Variants in WHRN observed in about 807,000 individuals in gnomAD.
WHRN encodes the protein whirlin, also known as CASK-interacting protein CIP98.
In WHRN, 41 loss-of-function variants were observed where a neutral mutation model predicts 68.3. The ratio of observed to expected loss-of-function variants is 0.60; its 90% CI spans 0.47 to 0.78. The LOEUF (loss-of-function observed/expected upper bound fraction) is 0.78, where lower values mean the gene tolerates loss of function less well. Among genes scored for constraint, WHRN ranks in the 30% least tolerant of loss-of-function variants. The probability of loss-of-function intolerance (pLI) is 0.00; values close to 1 mark genes in which losing one functional copy is unlikely to be tolerated. For synonymous variants in WHRN, 560 were observed against 561.3 expected (o/e 1.00, Z 0.03); for missense variants, 1,243 against 1,244.7 (o/e 1.00, Z 0.02).
intron 3 of WHRN, among the ~76,000 whole-genome samples, chr9:114,462,969 T>C (rs188311072): frequency 2.8e-4 from 43 of 152,318 alleles, no homozygotes; most frequent in Non-Finnish European, 5.1e-4. Context: ...AGACCTAATG[T>C]GTTGTCTCTC....
chr9:114,418,513 G>A (rs977600545), intron 7 of WHRN, among the ~76,000 whole-genome samples: 1 of 152,206 alleles, frequency 6.6e-6, no homozygotes, highest in Non-Finnish European at 1.5e-5. Context: ...CAATAATCAG[G>A]GGGACCCTGT....
rs1844265121 is a variant in WHRN at position 114,504,775 on chromosome 9, C to CGACA, written c.23_26dup (p.Ser11GlyfsTer169). The CGACA allele has an allele frequency of 6.8e-7, 1 of 1,480,542 alleles. No individual in the cohort carries two copies. Among genetic ancestry groups the CGACA allele is most frequent in the Admixed American group, 2.5e-5 (1 of 40,234 alleles). 91.7% of individuals were successfully genotyped at this position (1,480,542 alleles called of 1,614,324 possible). On this transcript the variant is annotated frameshift_variant, in exon 1 of 12. Coordinates refer to ENST00000362057, the MANE Select transcript of WHRN (RefSeq NM_015404.4). LOFTEE classifies it high-confidence loss of function. ...GCGAGCCGGTGGAGGACGAGCTCAC[C>CGACA]GACAGGCCGTCCAGCGGCGCGTTCA...
rs751830101 is a variant in WHRN at position 114,406,748 on chromosome 9, A to C, written c.1843T>G (p.Ser615Ala). 6.2e-7 allele frequency: 1 copy of C among 1,614,100 alleles called. No homozygotes were observed. Among genetic ancestry groups the C allele is most frequent in the Non-Finnish European group, 8.5e-7 (1 of 1,180,014 alleles). The change falls in exon 9 of 12, where the codon TCC (serine) becomes GCC (alanine). Residue 615 changes from serine (S) to alanine (A), a missense_variant. Coordinates refer to ENST00000362057, the MANE Select transcript of WHRN (RefSeq NM_015404.4). Reference protein sequence around the residue: ...EDLQPPSSMPSCSGTVFSAPQ... With the variant: ...EDLQPPSSMPACSGTVFSAPQ... ...GCCGAGAAGACAGTGCCCGAGCAGG[A>C]AGGCATGGAGGAAGGTGGCTGGAGG...
chr9:114,421,035 G>A (rs1045203774), intron 7 of WHRN, among the ~76,000 whole-genome samples: 5 of 151,982 alleles, frequency 3.3e-5, no homozygotes, highest in Admixed American at 1.3e-4. Context: ...TGTGCCACCT[G>A]GTGGGCCATG....
chr9:114,459,331 G>A (rs889997327), intron 3 of WHRN, among the ~76,000 whole-genome samples: 1 of 151,978 alleles, frequency 6.6e-6, no homozygotes, highest in Non-Finnish European at 1.5e-5. Context: ...AGGTGTGGTA[G>A]CAGGCACCTG....
intron 7 of WHRN, among the ~76,000 whole-genome samples, chr9:114,408,806 G>A (rs1024731670): frequency 1.3e-5 from 2 of 152,228 alleles, no homozygotes; most frequent in Non-Finnish European, 2.9e-5. Flanking sequence ...GGTGTTTCCA[G>A]GAGAGATCAG....
Position 114,505,143 on chromosome 9 carries a change from G to T in WHRN, c.-342C>A. The T allele has an allele frequency of 3.9e-6, 1 of 258,778 alleles. No homozygotes were observed. The highest frequency in any genetic ancestry group is 7.2e-6 in the Non-Finnish European group (1 of 138,598). 16.0% of individuals were successfully genotyped at this position (258,778 alleles called of 1,614,324 possible). On this transcript the variant is annotated 5_prime_UTR_variant, in exon 1 of 12. Coordinates refer to ENST00000362057, the MANE Select transcript of WHRN (RefSeq NM_015404.4). ...GCGCGGGGTCAGCAGCTACATTCTG[G>T]AGGGCACGGAGACGACGGGTGGCTG... is the stretch of plus-strand genomic sequence containing the variant.
At chr9:114,457,127 T>C (rs1839877558) in intron 3 of WHRN, among the ~76,000 whole-genome samples, 1 of 152,134 alleles carries the variant, frequency 6.6e-6, no homozygotes, top group African/African-American at 2.4e-5. Flanking sequence ...CCTCTATCCA[T>C]TGAGAAGGAA....
intron 2 of WHRN, among the ~76,000 whole-genome samples, chr9:114,470,625 A>G (rs540523128): frequency 2.6e-5 from 4 of 152,264 alleles, no homozygotes; most frequent in African/African-American, 9.6e-5. Flanking sequence ...TGGGGTTCAG[A>G]TCAGGGACAG....
At chr9:114,450,142 G>A (rs1380073177) in intron 3 of WHRN, among the ~76,000 whole-genome samples, 2 of 152,138 alleles carry the variant, frequency 1.3e-5, no homozygotes, top group African/African-American at 4.8e-5. Flanking sequence ...AGCAAAAGGG[G>A]CTGGTGGGGA....
intron 10 of WHRN, 60 bp from the exon 11 acceptor site, chr9:114,403,399 G>C (rs1164536350): frequency 1.9e-6 from 3 of 1,610,630 alleles, no homozygotes; most frequent in Non-Finnish European, 2.5e-6. Context: ...TGGCCAGGGG[G>C]CTGGGCCGGG....
At position 114,402,602 on chromosome 9, in the gene WHRN, T is replaced by C; in HGVS notation, c.*152A>G. On this transcript the variant is annotated 3_prime_UTR_variant, in exon 12 of 12. Transcript: ENST00000362057. ...TTGTCCTGCTCTCTTCCTCTCCCAG[T>C]TCTGGTCCAGTGGGCTGGGATGGAG... 1 of 960,456 alleles carries C rather than the reference T, an allele frequency of 1.0e-6. No homozygotes were observed. The highest frequency in any genetic ancestry group is 1.6e-6 in the Non-Finnish European group (1 of 608,888). The allele number at this position is 960,456 out of a possible 1,614,324, so 59.5% of individuals were successfully genotyped here. A position where few individuals can be genotyped will look rare whatever the true frequency, so the allele number is the denominator to read the frequency against.
chr9:114,454,632 T>A (rs1313959868), intron 3 of WHRN, among the ~76,000 whole-genome samples: 2 of 151,960 alleles, frequency 1.3e-5, no homozygotes, highest in Non-Finnish European at 2.9e-5. Flanking sequence ...AGATGTTAAA[T>A]CTTCTAATTT....
intron 3 of WHRN, among the ~76,000 whole-genome samples, chr9:114,436,700 G>A (rs1369428821): frequency 1.3e-5 from 2 of 152,008 alleles, no homozygotes; most frequent in African/African-American, 4.8e-5. Context: ...ATGGTGGTAG[G>A]CACCTGTAAT....
chr9:114,473,446 G>A (rs748617129), intron 2 of WHRN, among the ~76,000 whole-genome samples: 1 of 152,194 alleles, frequency 6.6e-6, no homozygotes, highest in African/African-American at 2.4e-5. Context: ...ATATGAGCCT[G>A]ACCTGTCCCA....
intron 2 of WHRN, among the ~76,000 whole-genome samples, chr9:114,472,385 C>G (rs866546301): frequency 6.6e-6 from 1 of 152,208 alleles, no homozygotes; most frequent in Non-Finnish European, 1.5e-5. Flanking sequence ...TGCTCACCTG[C>G]CTGAGGCCTC....
intron 1 of WHRN, chr9:114,503,598 C>T (rs1844124105): frequency 6.6e-6 from 1 of 152,442 alleles, no homozygotes; most frequent in Non-Finnish European, 1.5e-5. Context: ...AGTCTCATTT[C>T]CAAAAAGGTT....
At chr9:114,417,684 C>T (rs1261151774) in intron 7 of WHRN, among the ~76,000 whole-genome samples, 2 of 152,222 alleles carry the variant, frequency 1.3e-5, no homozygotes, top group African/African-American at 4.8e-5. Context: ...CTCAGCATTA[C>T]TGCAGCAAAA....
chr9:114,470,408 G>A (rs1031784214), intron 2 of WHRN, among the ~76,000 whole-genome samples: 1 of 152,204 alleles, frequency 6.6e-6, no homozygotes, highest in Non-Finnish European at 1.5e-5. Flanking sequence ...GAGCGTGGCA[G>A]GAGAGTGGGG....
Sources: allele counts gnomAD v4.1 joint callset (sites outside exome capture counted in the v4.1 genomes callset), GRCh38; gene constraint gnomAD v4.1.1; transcripts MANE v1.5; gene names NCBI Gene and HGNC (gene_info 2026-07-23, HGNC 2026-07-21).